The following IFT140 variants were observed in gnomAD, a reference collection of about 807,000 sequenced individuals.
IFT140 encodes the protein intraflagellar transport 140.
IFT140 carries 133 observed loss-of-function variants against 164.6 expected under a neutral mutation model. That is an observed-to-expected ratio of 0.81 (90% CI 0.70 to 0.93). The LOEUF is 0.93. Among genes scored for constraint, IFT140 ranks in the 40% least tolerant of loss-of-function variants. IFT140 has a pLI of 0.00. For missense variants in IFT140, 2,045 were observed against 1,972.3 expected (o/e 1.04, Z -0.70); for synonymous variants, 860 against 817.3 (o/e 1.05, Z -0.89).
chr16:1,541,815 A>G, intron 19 of IFT140: 1 of 1,371,342 alleles, frequency 7.3e-7, no homozygotes, highest in South Asian at 1.4e-5. Context: ...GCCTGTGCCG[A>G]CCGCCCTTTC....
At chr16:1,607,869 C>T (rs985144324) in intron 2 of IFT140, among the ~76,000 whole-genome samples, 1 of 152,204 alleles carries the variant, frequency 6.6e-6, no homozygotes, top group Non-Finnish European at 1.5e-5. Flanking sequence ...TGGTCTTGAA[C>T]CCCTGGCTCA....
chr16:1,590,026 G>C (rs546294162), intron 6 of IFT140, among the ~76,000 whole-genome samples: 1 of 152,012 alleles, frequency 6.6e-6, no homozygotes, highest in South Asian at 2.1e-4. Context: ...GTGAAATCCT[G>C]TCTATACTAA....
chr16:1,570,092 C>G (rs1016636497), intron 14 of IFT140, among the ~76,000 whole-genome samples: 1 of 152,124 alleles, frequency 6.6e-6, no homozygotes, highest in African/African-American at 2.4e-5. Context: ...TCCTCACTTT[C>G]GGGCAGCACA....
Position 1,511,060 on chromosome 16 carries a change from G to C in IFT140, c.4273C>G (p.Arg1425Gly), listed in dbSNP as rs138697817. 6.2e-7 allele frequency: 1 copy of C among 1,607,602 alleles called. No homozygotes were observed. The highest frequency in any genetic ancestry group is 2.2e-5 in the East Asian group (1 of 44,754). ...VSPQAVDAVH[R>G]GLGLPLPRTV... ...CGTGGCAGTGGGAGACCCAGCCCCC[G>C]GTGCACGGCGTCCACGGCCTGCGGG... Residue 1425 changes from arginine (R) to glycine (G), a missense_variant, in exon 31 of 31, where the codon CGG (arginine) becomes GGG (glycine). Transcript: ENST00000426508.
At position 1,533,877 on chromosome 16, in the gene IFT140, G is replaced by A. The variant is rs1255409107; in HGVS notation, c.2400-7081C>T. On this transcript the variant is annotated intron_variant, in intron 19 of 30. Coordinates refer to ENST00000426508, the MANE Select transcript of IFT140 (RefSeq NM_014714.4). The surrounding 1 kb of genome is among the most constrained non-coding windows in gnomAD (Gnocchi z 4.7). ...AGGCCGGTGCTAAGGAGTGTGGCGC[G>A]GGCTCGACTCCCACTGCTGCCGGCC... is the stretch of plus-strand genomic sequence containing the variant. 7.2e-6 allele frequency: 2 copies of A among 277,302 alleles called. No homozygotes were observed. Among genetic ancestry groups the A allele is most frequent in the Non-Finnish European group, 1.4e-5 (2 of 145,472 alleles). The allele number at this position is 277,302 out of a possible 1,614,324, so 17.2% of individuals were successfully genotyped here. A position where few individuals can be genotyped will look rare whatever the true frequency, so the allele number is the denominator to read the frequency against.
chr16:1,542,441 A>G (rs553739294), intron 19 of IFT140, among the ~76,000 whole-genome samples: 25 of 152,092 alleles, frequency 1.6e-4, no homozygotes, highest in Non-Finnish European at 3.4e-4. Flanking sequence ...CCCTTCCTCA[A>G]TGCTGAGGCA....
chr16:1,518,142 T>A, intron 30 of IFT140, 74 bp downstream of exon 30: 1 of 1,478,556 alleles, frequency 6.8e-7, no homozygotes, highest in Non-Finnish European at 9.3e-7. Context: ...ACAGCCTCAG[T>A]TTGAGCCGTT....
intron 19 of IFT140, among the ~76,000 whole-genome samples, chr16:1,528,385 GT>G (rs2030004852): frequency 6.7e-6 from 1 of 148,402 alleles, no homozygotes; most frequent in Non-Finnish European, 1.5e-5. Context: ...GCACGCACGT[GT>G]GCACACACAC....
chr16:1,546,394 G>A (rs1567354033), intron 19 of IFT140, among the ~76,000 whole-genome samples: 2 of 152,206 alleles, frequency 1.3e-5, no homozygotes, highest in Non-Finnish European at 2.9e-5. Flanking sequence ...CCTGGGTTCT[G>A]CTCCTGGCTC....
chr16:1,534,216 C>T lies in IFT140; in HGVS notation c.2400-7420G>A, dbSNP rs781023466. 102 of 1,591,098 alleles carry T rather than the reference C, an allele frequency of 6.4e-5. 1 individual carries two copies. Among genetic ancestry groups the T allele is most frequent in the Non-Finnish European group, 6.1e-5 (72 of 1,175,418 alleles). ...CCTAGCAGCGTCGGCTCTCCCTGGA[C>T]GTGCGGCCGCGGACTGGGACTTGGC... On this transcript the variant is annotated intron_variant, in intron 19 of 30. Coordinates refer to ENST00000426508, the MANE Select transcript of IFT140 (RefSeq NM_014714.4).
At chr16:1,562,386 C>A (rs975514380) in intron 17 of IFT140, among the ~76,000 whole-genome samples, 5 of 152,152 alleles carry the variant, frequency 3.3e-5, no homozygotes, top group Admixed American at 2.6e-4. Flanking sequence ...AGCAAAGGCT[C>A]ATCATTCCCA....
At chr16:1,574,163 T>C (rs1712094694) in intron 13 of IFT140, among the ~76,000 whole-genome samples, 1 of 152,196 alleles carries the variant, frequency 6.6e-6, no homozygotes, top group African/African-American at 2.4e-5. Flanking sequence ...GGTCCCTCTT[T>C]TCGGCCTTAA....
rs773095902 is a variant in IFT140, at chr16:1,511,082, C to T, written c.4251G>A (p.Pro1417=). The stretch of plus-strand genomic sequence containing the variant: ...CCCGGTGCACGGCGTCCACGGCCTG[C>T]GGGCTCACGTAGTAGGACATGTTGG... ...PLANMSYYVS[P]QAVDAVHRGL... Residue 1417 remains proline, a synonymous_variant, in exon 31 of 31, where the codon CCG becomes CCA. Transcript: ENST00000426508. 17 of 1,609,344 alleles carry T rather than the reference C, an allele frequency of 1.1e-5. No homozygotes were observed. Among genetic ancestry groups the T allele is most frequent in the Admixed American group, 1.0e-4 (6 of 59,550 alleles).
chr16:1,585,988 G>C (rs572449149), intron 10 of IFT140, 142 bp downstream of exon 10: 1 of 937,404 alleles, frequency 1.1e-6, no homozygotes, highest in African/African-American at 1.6e-5. Flanking sequence ...AGCCAGGATG[G>C]TCTCGATCTC....
chr16:1,559,920 G>C (rs560154115), intron 18 of IFT140, among the ~76,000 whole-genome samples: 1 of 152,212 alleles, frequency 6.6e-6, no homozygotes, highest in African/African-American at 2.4e-5. Context: ...CTGCTCTCTG[G>C]AACAACAACT....
At chr16:1,545,645 G>A (rs1043858809) in intron 19 of IFT140, among the ~76,000 whole-genome samples, 3 of 152,184 alleles carry the variant, frequency 2.0e-5, no homozygotes, top group East Asian at 1.9e-4. Context: ...CCCAGGGCTC[G>A]GCAGAGGTGG....
chr16:1,580,250 C>G (rs1047406357), intron 13 of IFT140: 1 of 152,898 alleles, frequency 6.5e-6, no homozygotes, highest in African/African-American at 2.4e-5. Flanking sequence ...TTTTCACCAT[C>G]AAGCACCTGA....
chr16:1,564,182 C>A lies in IFT140; in HGVS notation c.1902-20G>T, dbSNP rs1199846089. 2 of 1,544,746 alleles carry A rather than the reference C, an allele frequency of 1.3e-6. No individual in the cohort carries two copies. Among genetic ancestry groups the A allele is most frequent in the Non-Finnish European group, 1.8e-6 (2 of 1,135,658 alleles). ...TGGCTCCTAAAAGACAAAGGAAGAC[C>A]CGTTTCAACCCCAGGGCGGGCACTC... On this transcript the variant is annotated intron_variant, in intron 16 of 30. Coordinates refer to ENST00000426508, the MANE Select transcript of IFT140 (RefSeq NM_014714.4). The surrounding 1 kb of genome is among the most constrained non-coding windows in gnomAD (Gnocchi z 5.5).
chr16:1,605,821 TG>T (rs2036030471), intron 3 of IFT140, among the ~76,000 whole-genome samples: 2 of 152,130 alleles, frequency 1.3e-5, no homozygotes, highest in Admixed American at 1.3e-4. Context: ...CAAAGATATG[TG>T]GAAGTCCTAT....
Sources: allele counts gnomAD v4.1 joint callset (sites outside exome capture counted in the v4.1 genomes callset), GRCh38; gene constraint gnomAD v4.1.1; non-coding constraint Gnocchi (gnomAD v3.1); transcripts MANE v1.5; gene names NCBI Gene and HGNC (gene_info 2026-07-23, HGNC 2026-07-21).